Variants in LRBA observed in about 807,000 individuals in gnomAD.
The protein encoded by LRBA is lipopolysaccharide-responsive and beige-like anchor protein.
LRBA carries 176 observed loss-of-function variants against 330.0 expected under a neutral mutation model. The ratio of observed to expected loss-of-function variants is 0.53; its 90% CI spans 0.47 to 0.60. LRBA has a LOEUF of 0.60. Ranked by LOEUF, LRBA falls within the 20% of genes least tolerant of loss-of-function variation. LRBA has a pLI of 0.00. For missense variants in LRBA, 3,259 were observed against 3,444.8 expected (o/e 0.95, Z 1.35); for synonymous variants, 1,230 against 1,193.0 (o/e 1.03, Z -0.64).
intron 46 of LRBA, chr4:150,423,435 G>T: frequency 1.6e-6 from 1 of 609,840 alleles, no homozygotes. Context: ...AGGCTCTGGC[G>T]GTGAGCTGTT....
chr4:150,306,412 AT>A (rs1022125140), intron 52 of LRBA, among the ~76,000 whole-genome samples: 1 of 152,150 alleles, frequency 6.6e-6, no homozygotes, highest in African/African-American at 2.4e-5. Context: ...TAATATTCCT[AT>A]TGTTGTAAAA....
chr4:150,452,901 C>T (rs1471283106), intron 44 of LRBA, among the ~76,000 whole-genome samples: 4 of 152,062 alleles, frequency 2.6e-5, no homozygotes, highest in African/African-American at 9.7e-5. Flanking sequence ...CAAAATTCAG[C>T]TGTATTTCTA....
chr4:150,331,898 C>T (rs1734049627), intron 48 of LRBA, among the ~76,000 whole-genome samples: 1 of 152,142 alleles, frequency 6.6e-6, no homozygotes, highest in Admixed American at 6.5e-5. Context: ...CACATATTAG[C>T]TCAGTGATTC....
intron 47 of LRBA, among the ~76,000 whole-genome samples, chr4:150,410,724 C>T (rs2174366): frequency 0.87 from 133,080 of 152,166 alleles, 58,978 homozygotes; most frequent in Non-Finnish European, 0.96. Flanking sequence ...AAGCAAGCAC[C>T]CAATAAATAC....
chr4:150,954,961 C>T (rs1163310918), intron 2 of LRBA, among the ~76,000 whole-genome samples: 4 of 148,498 alleles, frequency 2.7e-5, no homozygotes, highest in East Asian at 1.9e-4. Context: ...CCTAAATAGC[C>T]TATATAAAAG....
chr4:150,371,181 A>ATTTTTTTTTTTTTTTTTTT (rs1274384749), intron 47 of LRBA, among the ~76,000 whole-genome samples: 1 of 136,754 alleles, frequency 7.3e-6, no homozygotes, highest in African/African-American at 3.2e-5. Flanking sequence ...CAAGCTACTA[A>ATTTTTTTTTTTTTTTTTTT]ATTTTTTTTT....
Position 150,848,814 on chromosome 4 carries a change from TCAC to T in LRBA, c.4339+1_4339+3del. ...TAAATTCCCAACGGTTTTTAGCAGC[TCAC>T]CTAGTCGGAGACACTGCCGCAAAAT... On this transcript the variant is annotated splice_donor_variant and splice_donor_region_variant and intron_variant, in intron 26 of 56. Coordinates refer to ENST00000651943, the MANE Select transcript of LRBA (RefSeq NM_001364905.1). LOFTEE classifies it high-confidence loss of function. The T allele has an allele frequency of 1.3e-6, 2 of 1,580,312 alleles. No individual in the cohort carries two copies. The highest frequency in any genetic ancestry group is 1.7e-6 in the Non-Finnish European group (2 of 1,167,208).
chr4:150,614,355 A>G (rs923126712), intron 37 of LRBA, among the ~76,000 whole-genome samples: 14 of 152,248 alleles, frequency 9.2e-5, no homozygotes, highest in African/African-American at 3.4e-4. Context: ...ACTATAGGGA[A>G]GAAATATCTT....
chr4:150,463,204 C>T (rs1755002088), intron 44 of LRBA, among the ~76,000 whole-genome samples: 1 of 151,902 alleles, frequency 6.6e-6, no homozygotes, highest in Admixed American at 6.6e-5. Flanking sequence ...ACTTTTGTAG[C>T]ATTCACACTA....
At chr4:150,674,170 G>T (rs1782321539) in intron 37 of LRBA, among the ~76,000 whole-genome samples, 1 of 150,828 alleles carries the variant, frequency 6.6e-6, no homozygotes, top group South Asian at 2.1e-4. Context: ...AGTAATTTTT[G>T]TGGTGTTTTG....
chr4:150,541,012 A>G (rs1052007109), intron 40 of LRBA, among the ~76,000 whole-genome samples: 21 of 152,230 alleles, frequency 1.4e-4, no homozygotes, highest in African/African-American at 4.8e-4. Flanking sequence ...GAAAATTTAC[A>G]TATGAGTAAC....
At chr4:150,503,275 C>T (rs559773941) in intron 40 of LRBA, among the ~76,000 whole-genome samples, 1 of 152,220 alleles carries the variant, frequency 6.6e-6, no homozygotes, top group Non-Finnish European at 1.5e-5. Flanking sequence ...TCCCTGACCC[C>T]CGAGTAGCCT....
At chr4:150,476,442 C>A (rs1359784284) in intron 42 of LRBA, among the ~76,000 whole-genome samples, 1 of 152,060 alleles carries the variant, frequency 6.6e-6, no homozygotes, top group African/African-American at 2.4e-5. Flanking sequence ...CCCCCAAACC[C>A]AGGCACTCTC....
intron 40 of LRBA, among the ~76,000 whole-genome samples, chr4:150,562,690 T>C (rs1768527247): frequency 6.6e-6 from 1 of 152,210 alleles, no homozygotes; most frequent in Non-Finnish European, 1.5e-5. Flanking sequence ...TTCAAGACAT[T>C]AAAGGCCTTC....
chr4:150,777,532 C>T (rs936140537), intron 34 of LRBA, among the ~76,000 whole-genome samples: 11 of 152,002 alleles, frequency 7.2e-5, no homozygotes, highest in African/African-American at 2.4e-4. Context: ...TAAAACGAAG[C>T]GAATTGGATG....
intron 34 of LRBA, among the ~76,000 whole-genome samples, chr4:150,777,868 G>A (rs778008833): frequency 6.6e-6 from 1 of 150,498 alleles, no homozygotes; most frequent in Non-Finnish European, 1.5e-5. Context: ...CAGCTACTCA[G>A]GAGGCTGAGG....
chr4:150,919,472 T>A (rs1197495706), intron 5 of LRBA, among the ~76,000 whole-genome samples: 1 of 152,210 alleles, frequency 6.6e-6, no homozygotes, highest in Non-Finnish European at 1.5e-5. Context: ...CTTTTATATG[T>A]ATTAGATAAG....
At chr4:150,579,333 C>G (rs1212441136) in intron 40 of LRBA, 1 of 455,072 alleles carries the variant, frequency 2.2e-6, no homozygotes, top group South Asian at 1.6e-5. Flanking sequence ...GCTGAAGCTG[C>G]TCTTAGAGCA....
chr4:150,750,300 C>T (rs1733359550), intron 35 of LRBA, among the ~76,000 whole-genome samples: 1 of 152,142 alleles, frequency 6.6e-6, no homozygotes, highest in African/African-American at 2.4e-5. Context: ...TAGTACCTGG[C>T]ACATGGATTA....
Sources: gnomAD v4.1 joint callset for allele counts (sites outside exome capture counted in the v4.1 genomes callset) on GRCh38, gnomAD v4.1.1 for gene constraint, MANE v1.5 for transcripts, NCBI Gene and HGNC (gene_info 2026-07-23, HGNC 2026-07-21) for gene names.